NCOA2: variants seen among roughly 807,000 people sequenced by gnomAD.
NCOA2 encodes nuclear receptor coactivator 2, also known as class E basic helix-loop-helix protein 75.
NCOA2 carries 21 observed loss-of-function variants against 145.1 expected under a neutral mutation model. The ratio of observed to expected loss-of-function variants is 0.14; its 90% CI spans 0.10 to 0.21. The LOEUF (loss-of-function observed/expected upper bound fraction) is 0.21, where lower values mean the gene tolerates loss of function less well. Among genes scored for constraint, NCOA2 ranks in the 10% least tolerant of loss-of-function variants. The probability of loss-of-function intolerance (pLI) is 1.00; values close to 1 mark genes in which losing one functional copy is unlikely to be tolerated. For synonymous variants in NCOA2, 619 were observed against 637.5 expected, an observed-to-expected ratio of 0.97 and a Z score of 0.44; for missense variants, 1,472 against 1,837.6, an observed-to-expected ratio of 0.80 and a Z score of 3.64.
intron 1 of NCOA2, among the ~76,000 whole-genome samples, chr8:70,394,443 C>A (rs1695699702): frequency 6.6e-6 from 1 of 152,228 alleles, no homozygotes; most frequent in African/African-American, 2.4e-5. Flanking sequence ...GCGTGAGTCA[C>A]CGCGCCTGGC....
At chr8:70,174,679 A>C in intron 5 of NCOA2, 77 bp downstream of exon 5, 1 of 1,332,904 alleles carries the variant, frequency 7.5e-7, no homozygotes, top group Non-Finnish European at 1.1e-6. Context: ...CTTAAATTAT[A>C]TTCACCTGAA....
At chr8:70,342,285 C>G (rs1563784421) in intron 1 of NCOA2, among the ~76,000 whole-genome samples, 1 of 151,982 alleles carries the variant, frequency 6.6e-6, no homozygotes, top group African/African-American at 2.4e-5. Context: ...AAACAGGAAG[C>G]AAAACAAAAC....
intron 7 of NCOA2, among the ~76,000 whole-genome samples, chr8:70,165,720 T>G (rs141132432): frequency 6.6e-6 from 1 of 152,198 alleles, no homozygotes; most frequent in Non-Finnish European, 1.5e-5. Flanking sequence ...TTAGTACCAT[T>G]GTATTTTATC....
At chr8:70,351,130 C>A (rs1182785251) in intron 1 of NCOA2, among the ~76,000 whole-genome samples, 2 of 152,162 alleles carry the variant, frequency 1.3e-5, no homozygotes, top group Non-Finnish European at 2.9e-5. Flanking sequence ...AGAGCCCTCA[C>A]GGCTTAATCA....
chr8:70,317,368 A>T lies in NCOA2; in HGVS notation c.-76-20568T>A, dbSNP rs548814273. On this transcript the variant is annotated intron_variant, in intron 1 of 22. Coordinates refer to ENST00000452400, the MANE Select transcript of NCOA2 (RefSeq NM_006540.4). ...ACTGTCGTGAGAGGATAAACTGGACACAAAACACAGCAGTGCCACCACCTT... is the reference window on the plus strand; with the variant it reads ...ACTGTCGTGAGAGGATAAACTGGACTCAAAACACAGCAGTGCCACCACCTT... Among the ~76,000 whole-genome samples the T allele has an allele frequency of 8.3e-4, 127 of 152,328 alleles. 1 individual carries two copies. The highest frequency in any genetic ancestry group is 3.0e-3 in the African/African-American group (123 of 41,584).
At chr8:70,452,364 G>A in the NCOA2 span, among the ~76,000 whole-genome samples, 8 of 152,206 alleles carry the variant, frequency 5.3e-5, no homozygotes, top group Non-Finnish European at 1.2e-4. Flanking sequence ...TAATCATTAC[G>A]GAATGCAAAT....
intron 3 of NCOA2, 28 bp downstream of exon 3, chr8:70,216,632 T>C (rs370577323): frequency 1.3e-5 from 20 of 1,554,508 alleles, no homozygotes; most frequent in Non-Finnish European, 1.2e-5. Context: ...CAGACAATAC[T>C]GATTCCTTTT....
At chr8:70,311,579 T>C (rs374273423) in intron 1 of NCOA2, among the ~76,000 whole-genome samples, 3 of 152,174 alleles carry the variant, frequency 2.0e-5, no homozygotes, top group Middle Eastern at 3.2e-3. Context: ...CATTCCATTA[T>C]AAAAAGTTGC....
At chr8:70,407,527 G>A (rs957082615), upstream of NCOA2, among the ~76,000 whole-genome samples, 1 of 151,872 alleles carries the variant, frequency 6.6e-6, no homozygotes, top group East Asian at 1.9e-4. Context: ...AGTGGCTCAC[G>A]CCTGTAATCA....
At chr8:70,440,819 G>T in the NCOA2 span, among the ~76,000 whole-genome samples, 4 of 151,014 alleles carry the variant, frequency 2.6e-5, no homozygotes, top group Non-Finnish European at 5.9e-5. Flanking sequence ...AGAAAGGAAA[G>T]AGAGCAAGAA....
intron 2 of NCOA2, among the ~76,000 whole-genome samples, chr8:70,228,895 G>C (rs1414857849): frequency 2.0e-5 from 3 of 152,188 alleles, no homozygotes; most frequent in African/African-American, 7.2e-5. Context: ...AGTTGGGATA[G>C]AATGACGTGG....
At chr8:70,417,195 G>A in the NCOA2 span, among the ~76,000 whole-genome samples, 2 of 143,986 alleles carry the variant, frequency 1.4e-5, no homozygotes, top group Non-Finnish European at 3.0e-5. Flanking sequence ...ATCTCTTGAG[G>A]CCAGGAGCTT....
chr8:70,248,822 C>T lies in NCOA2; in HGVS notation c.-19-32058G>A, dbSNP rs114433874. On this transcript the variant is annotated intron_variant, in intron 2 of 22. Transcript: ENST00000452400. ...CTCCCGAGTATTTTCTGAGGTTGGC[C>T]GAATCTAGTGTGCAGAACCCACCAA... 3.8e-3 allele frequency among the ~76,000 whole-genome samples: 577 copies of T among 150,100 alleles called. 4 individuals are homozygous for T. The highest frequency in any genetic ancestry group is 0.013 in the African/African-American group (545 of 40,728).
At chr8:70,245,330 T>A (rs1303669384) in intron 2 of NCOA2, 1 of 152,136 alleles carries the variant, frequency 6.6e-6, no homozygotes, top group African/African-American at 2.4e-5. Context: ...TCCAGCATGG[T>A]GGAACACTCG....
chr8:70,406,324 C>T (rs1171425225), upstream of NCOA2, among the ~76,000 whole-genome samples: 1 of 152,104 alleles, frequency 6.6e-6, no homozygotes, highest in Non-Finnish European at 1.5e-5. Context: ...TCCCATGAGA[C>T]CTCAGAACAA....
At chr8:70,230,106 T>A (rs1384764622) in intron 2 of NCOA2, among the ~76,000 whole-genome samples, 1 of 152,318 alleles carries the variant, frequency 6.6e-6, no homozygotes, top group South Asian at 2.1e-4. Context: ...TGAAAACTTT[T>A]GAGCTGAAGA....
intron 2 of NCOA2, among the ~76,000 whole-genome samples, chr8:70,238,053 A>T (rs918757310): frequency 6.6e-6 from 1 of 152,198 alleles, no homozygotes. Context: ...AAAATTAAAC[A>T]TATGTGATTA....
intron 5 of NCOA2, among the ~76,000 whole-genome samples, chr8:70,171,197 T>A (rs1814214923): frequency 6.6e-6 from 1 of 152,188 alleles, no homozygotes; most frequent in South Asian, 2.1e-4. Flanking sequence ...GAATCTAGGA[T>A]CATTTCAGGA....
intron 9 of NCOA2, 96 bp downstream of exon 9, chr8:70,162,615 T>C: frequency 1.5e-6 from 2 of 1,296,250 alleles, no homozygotes; most frequent in Middle Eastern, 2.3e-4. Context: ...ACGAGAACAG[T>C]CACCAGCTCT....
Sources: gnomAD v4.1 joint callset for allele counts (sites outside exome capture counted in the v4.1 genomes callset) on GRCh38, gnomAD v4.1.1 for gene constraint, MANE v1.5 for transcripts, NCBI Gene and HGNC (gene_info 2026-07-23, HGNC 2026-07-21) for gene names.